ZFHX3: variants seen among roughly 807,000 people sequenced by gnomAD.
ZFHX3 encodes the protein zinc finger homeobox protein 3.
A neutral mutation model predicts 279.1 loss-of-function variants in ZFHX3; 42 were observed. The ratio of observed to expected loss-of-function variants is 0.15; its 90% confidence interval spans 0.12 to 0.19. The LOEUF is 0.19. Among genes scored for constraint, ZFHX3 ranks in the 10% least tolerant of loss-of-function variants. The pLI is 1.00. For synonymous variants in ZFHX3, 2,293 were observed against 1,957.8 expected (o/e 1.17, Z -4.52); for missense variants, 4,981 against 4,754.0 (o/e 1.05, Z -1.40).
intron 3 of ZFHX3, among the ~76,000 whole-genome samples, chr16:72,915,397 G>A (rs1354643096): frequency 2.0e-5 from 3 of 152,102 alleles, no homozygotes; most frequent in Non-Finnish European, 2.9e-5. Flanking sequence ...CCCAGTGTCC[G>A]GGATCAGCGT....
Position 73,343,145 on chromosome 16 carries a change from T to C in ZFHX3, c.-1290-24809A>G, listed in dbSNP as rs534866937. On this transcript the variant is annotated intron_variant, in intron 3 of 17. Transcript: ENST00000641206. ...CATGTTTTTTTCTTTTTCTTTTTTT[T>C]CCCCTAAATATACAGGAAGGGGAAA... Among the ~76,000 whole-genome samples, 4 of 152,264 alleles carry C rather than the reference T, an allele frequency of 2.6e-5. No homozygotes were observed. The East Asian group carries it at 5.8e-4, about 22-fold the overall frequency.
intron 8 of ZFHX3, among the ~76,000 whole-genome samples, chr16:73,071,456 T>TCTGCTGCTG (rs749188404): frequency 8.8e-4 from 132 of 150,708 alleles, no homozygotes; most frequent in Non-Finnish European, 1.6e-3. Context: ...TGGTCTTTTC[T>TCTGCTGCTG]CTGCTGCTGC....
chr16:73,277,598 T>C (rs2014333268), intron 4 of ZFHX3, among the ~76,000 whole-genome samples: 1 of 152,234 alleles, frequency 6.6e-6, no homozygotes, highest in South Asian at 2.1e-4. Flanking sequence ...TTTCTGTCTG[T>C]AGGTCACCAA....
At chr16:73,629,956 T>C (rs979058086) in intron 2 of ZFHX3, among the ~76,000 whole-genome samples, 3 of 152,104 alleles carry the variant, frequency 2.0e-5, no homozygotes, top group Non-Finnish European at 4.4e-5. Context: ...TAAATGAAAA[T>C]AAAAACCACA....
intron 1 of ZFHX3, among the ~76,000 whole-genome samples, chr16:73,765,801 G>C (rs764546983): frequency 6.6e-6 from 1 of 152,224 alleles, no homozygotes; most frequent in Non-Finnish European, 1.5e-5. Context: ...CCAAGTAAAG[G>C]TGCTCTATTT....
intron 4 of ZFHX3, among the ~76,000 whole-genome samples, chr16:73,261,040 T>A (rs1440045084): frequency 6.6e-6 from 1 of 152,212 alleles, no homozygotes; most frequent in Admixed American, 6.6e-5. Flanking sequence ...GCAGCAGATA[T>A]GCCCACACAC....
rs1196240319 is a variant in ZFHX3, at chr16:72,796,315, G to T, written c.6367C>A (p.Pro2123Thr). Residue 2123 changes from proline to threonine, a missense_variant, in exon 9 of 10, where the codon CCT becomes ACT. Around this residue, in one of 7 missense-constraint regions of ZFHX3, gnomAD observed 1,751 missense variants for 1,770.0 expected, o/e 0.99. Transcript: ENST00000268489. ...QLPPQLGPVE[P>T]LPADLAQLYQ... ...AGTTGGGCCAGGTCCGCAGGCAGAG[G>T]CTCCACAGGTCCCAGCTGCGGGGGT... The T allele has an allele frequency of 1.2e-6, 2 of 1,614,144 alleles. No individual in the cohort carries two copies. Among genetic ancestry groups the T allele is most frequent in the Non-Finnish European group, 1.7e-6 (2 of 1,180,028 alleles).
intron 3 of ZFHX3, among the ~76,000 whole-genome samples, chr16:73,428,028 C>G (rs2017842723): frequency 6.6e-6 from 1 of 152,142 alleles, no homozygotes; most frequent in Non-Finnish European, 1.5e-5. Flanking sequence ...AGAACACACA[C>G]ACATGCATGC....
At chr16:73,817,342 G>A (rs780182914) in intron 1 of ZFHX3, among the ~76,000 whole-genome samples, 4 of 152,086 alleles carry the variant, frequency 2.6e-5, no homozygotes, top group Non-Finnish European at 4.4e-5. Context: ...TCTGGAGAGG[G>A]CGAAAAGCAG....
intron 1 of ZFHX3, among the ~76,000 whole-genome samples, chr16:73,721,762 G>A (rs2053475963): frequency 6.6e-6 from 1 of 152,160 alleles, no homozygotes; most frequent in Admixed American, 6.5e-5. Context: ...TACCACTAGT[G>A]GGCCAGGCAC....
chr16:73,334,736 C>T (rs2015875411), intron 3 of ZFHX3, among the ~76,000 whole-genome samples: 1 of 151,586 alleles, frequency 6.6e-6, no homozygotes, highest in African/African-American at 2.4e-5. Context: ...GAACCTGTCC[C>T]CTCCTCCTCT....
At chr16:73,795,759 G>C (rs956808987) in intron 1 of ZFHX3, among the ~76,000 whole-genome samples, 14 of 152,116 alleles carry the variant, frequency 9.2e-5, no homozygotes, top group Non-Finnish European at 2.1e-4. Flanking sequence ...TCAATTCTTT[G>C]ACAACAGATG....
At chr16:73,062,666 G>T (rs1281571511), upstream of ZFHX3, among the ~76,000 whole-genome samples, 2 of 151,698 alleles carry the variant, frequency 1.3e-5, no homozygotes. Context: ...CTTGGAAAAA[G>T]CCTAGCTCTG....
intron 2 of ZFHX3, among the ~76,000 whole-genome samples, chr16:73,623,875 T>G (rs2052391847): frequency 6.6e-6 from 1 of 152,202 alleles, no homozygotes; most frequent in Admixed American, 6.5e-5. Flanking sequence ...AATGATGTAC[T>G]ACAATTACCA....
At chr16:73,531,820 G>A (rs2019809783) in intron 2 of ZFHX3, among the ~76,000 whole-genome samples, 1 of 151,702 alleles carries the variant, frequency 6.6e-6, no homozygotes, top group East Asian at 1.9e-4. Flanking sequence ...TGTGCACAGT[G>A]GTTCATACCT....
exon 1 of ZFHX3, chr16:73,058,866 G>C (rs1965633690): frequency 6.0e-6 from 1 of 165,388 alleles, no homozygotes; most frequent in African/African-American, 2.5e-5. Context: ...CCACGGAAGA[G>C]AAGCGGCGGC....
intron 5 of ZFHX3, among the ~76,000 whole-genome samples, chr16:73,176,114 A>G (rs1371899162): frequency 1.3e-5 from 2 of 152,178 alleles, no homozygotes; most frequent in East Asian, 3.8e-4. Context: ...TCTCTTGGCA[A>G]TGGAAAAACC....
At chr16:72,802,578 T>G (rs966090785) in intron 7 of ZFHX3, among the ~76,000 whole-genome samples, 1 of 152,118 alleles carries the variant, frequency 6.6e-6, no homozygotes, top group African/African-American at 2.4e-5. Flanking sequence ...GGTTGGTATA[T>G]GAAATTTTGA....
intron 2 of ZFHX3, among the ~76,000 whole-genome samples, chr16:73,546,891 G>T (rs1320529087): frequency 6.6e-6 from 1 of 152,040 alleles, no homozygotes; most frequent in African/African-American, 2.4e-5. Context: ...CAGAGTCACG[G>T]CCATCCTATT....
Sources: allele counts gnomAD v4.1 joint callset (sites outside exome capture counted in the v4.1 genomes callset), GRCh38; gene constraint gnomAD v4.1.1; regional missense constraint gnomAD v4.1.1; transcripts MANE v1.5; gene names NCBI Gene and HGNC (gene_info 2026-07-23, HGNC 2026-07-21).